EPDR1: variants seen among roughly 807,000 people sequenced by gnomAD.
EPDR1 encodes the protein mammalian ependymin-related protein 1.
A neutral mutation model predicts 23.7 loss-of-function variants in EPDR1; 27 were observed. The observed-to-expected ratio is 1.14, with a 90% confidence interval of 0.84 to 1.57. The LOEUF (loss-of-function observed/expected upper bound fraction) is 1.57, where lower values mean the gene tolerates loss of function less well. EPDR1 is among the 40% of genes most tolerant of loss of function. The probability of loss-of-function intolerance (pLI) is 0.00; values close to 1 mark genes in which losing one functional copy is unlikely to be tolerated. For synonymous variants in EPDR1, 137 were observed against 118.2 expected (o/e 1.16, Z -1.03); for missense variants, 349 against 290.4 (o/e 1.20, Z -1.47).
At position 37,946,087 on chromosome 7, in the gene EPDR1, T is replaced by C. The variant is rs748921108; in HGVS notation, c.270-2753T>C. ...TTTTTATGGCTGCATAGTATTCCAT[T>C]GTGTATATGTACCCCATTTTCTTTA... On this transcript the variant is annotated intron_variant, in intron 1 of 2. Coordinates refer to ENST00000199448, the MANE Select transcript of EPDR1 (RefSeq NM_017549.5). Among the ~76,000 whole-genome samples, 89 of 152,250 alleles carry C rather than the reference T, an allele frequency of 5.8e-4. 1 individual carries two copies. Among genetic ancestry groups the C allele is most frequent in the Non-Finnish European group, 1.6e-4 (11 of 68,040 alleles).
chr7:37,937,134 T>C (rs1786069343), intron 1 of EPDR1, among the ~76,000 whole-genome samples: 1 of 152,156 alleles, frequency 6.6e-6, no homozygotes, highest in South Asian at 2.1e-4. Flanking sequence ...GTGATAAGGG[T>C]GGCATCTCAA....
chr7:37,926,281 T>C (rs1335674242), intron 1 of EPDR1, among the ~76,000 whole-genome samples: 1 of 152,176 alleles, frequency 6.6e-6, no homozygotes, highest in Non-Finnish European at 1.5e-5. Context: ...TCGCCTGAAC[T>C]GTTTGATAGT....
chr7:37,938,982 ATT>A (rs35030069), intron 1 of EPDR1, among the ~76,000 whole-genome samples: 2 of 144,490 alleles, frequency 1.4e-5, no homozygotes, highest in African/African-American at 2.6e-5. Context: ...GGCATGACCA[ATT>A]TTTTTTTTTT....
intron 1 of EPDR1, among the ~76,000 whole-genome samples, chr7:37,928,108 G>C (rs1785854224): frequency 6.6e-6 from 1 of 152,198 alleles, no homozygotes; most frequent in Admixed American, 6.5e-5. Flanking sequence ...AAGCCCAGGA[G>C]AGTAAGGAGG....
intron 1 of EPDR1, among the ~76,000 whole-genome samples, chr7:37,939,503 A>G (rs1448603342): frequency 2.0e-5 from 3 of 152,100 alleles, no homozygotes; most frequent in African/African-American, 4.8e-5. Context: ...TCTTGCTTTA[A>G]TTTTAGCAGA....
At chr7:37,921,319 C>T in intron 1 of EPDR1, 111 bp downstream of exon 1, 1 of 1,437,446 alleles carries the variant, frequency 7.0e-7, no homozygotes, top group Non-Finnish European at 9.1e-7. Context: ...GCAGCTCCTC[C>T]CTTCTCCCAG....
rs114683899 is a variant in EPDR1 at position 37,951,395 on chromosome 7, T to A, written c.*999T>A. On this transcript the variant is annotated 3_prime_UTR_variant, in exon 3 of 3. Coordinates refer to ENST00000199448, the MANE Select transcript of EPDR1 (RefSeq NM_017549.5). ...CACAAGAGTTGCTCCCAAGCCTGGA[T>A]GAGTTGCACCTTGCATCTTGAGCAT... 6.6e-5 allele frequency: 10 copies of A among 152,376 alleles called. No homozygotes were observed. The highest frequency in any genetic ancestry group is 3.9e-4 in the East Asian group (2 of 5,192). 9.4% of individuals were successfully genotyped at this position (152,376 alleles called of 1,614,324 possible).
At chr7:37,921,807 C>T (rs1785711270) in intron 1 of EPDR1, among the ~76,000 whole-genome samples, 1 of 152,130 alleles carries the variant, frequency 6.6e-6, no homozygotes, top group Non-Finnish European at 1.5e-5. Context: ...ATTTTACATA[C>T]TATGATCAAA....
intron 1 of EPDR1, among the ~76,000 whole-genome samples, chr7:37,938,092 G>A (rs1251986464): frequency 6.8e-6 from 1 of 146,114 alleles, no homozygotes; most frequent in African/African-American, 2.6e-5. Context: ...CCGGGTTCAT[G>A]CCATTCTCTT....
chr7:37,946,978 A>G (rs1786289279), intron 1 of EPDR1, among the ~76,000 whole-genome samples: 1 of 152,226 alleles, frequency 6.6e-6, no homozygotes, highest in African/African-American at 2.4e-5. Context: ...AAATTAATGT[A>G]TTATTGAAGA....
At chr7:37,922,972 T>A (rs1475875887) in intron 1 of EPDR1, among the ~76,000 whole-genome samples, 2 of 152,152 alleles carry the variant, frequency 1.3e-5, no homozygotes, top group Admixed American at 1.3e-4. Context: ...AGACTGCTGG[T>A]CCAGGGGGAT....
intron 1 of EPDR1, among the ~76,000 whole-genome samples, chr7:37,938,911 A>T (rs1364645556): frequency 6.6e-6 from 1 of 151,738 alleles, no homozygotes; most frequent in Non-Finnish European, 1.5e-5. Flanking sequence ...GGTGCTGGCT[A>T]TTGTTTCTCC....
chr7:37,921,080 G>A lies in EPDR1; in HGVS notation c.141G>A (p.Gln47=), dbSNP rs1367026038. 1.3e-6 allele frequency: 2 copies of A among 1,577,676 alleles called. No homozygotes were observed. The highest frequency in any genetic ancestry group is 1.4e-5 in the African/African-American group (1 of 73,378). ...CGCGCCCGTGCCAGGCGCCGCAGCA[G>A]TGGGAGGGGCGCCAGGTTATGTACC... ...GAPRPCQAPQ[Q]WEGRQVMYQQ... The change falls in exon 1 of 3, where the codon CAG becomes CAA. Residue 47 remains glutamine (Q), a synonymous_variant. Coordinates refer to ENST00000199448, the MANE Select transcript of EPDR1 (RefSeq NM_017549.5).
chr7:37,921,039 G>A lies in EPDR1; in HGVS notation c.100G>A (p.Gly34Arg), dbSNP rs1024831290. ...GACCCTGTGCGGCCTGTGCAGCCTG[G>A]GGGCGGTGGGAGCCCCGCGCCCGTG... ...AWTLCGLCSL[G>R]AVGAPRPCQA... Residue 34 changes from glycine to arginine, a missense_variant, in exon 1 of 3, where the codon GGG becomes AGG. By Grantham distance (125) the Gly-to-Arg change is moderately radical. Transcript: ENST00000199448. The A allele has an allele frequency of 5.2e-6, 8 of 1,532,648 alleles. No individual in the cohort carries two copies. Among genetic ancestry groups the A allele is most frequent in the African/African-American group, 2.8e-5 (2 of 72,200 alleles). The allele number at this position is 1,532,648 out of a possible 1,614,324, so 94.9% of individuals were successfully genotyped here. A position where few individuals can be genotyped will look rare whatever the true frequency, so the allele number is the denominator to read the frequency against.
At chr7:37,940,998 C>G (rs190987772) in intron 1 of EPDR1, among the ~76,000 whole-genome samples, 8 of 151,934 alleles carry the variant, frequency 5.3e-5, no homozygotes, top group African/African-American at 1.9e-4. Flanking sequence ...CACCTTGTGT[C>G]GTAGAACATC....
intron 1 of EPDR1, among the ~76,000 whole-genome samples, chr7:37,931,870 T>G (rs1417815646): frequency 6.6e-6 from 1 of 152,036 alleles, no homozygotes; most frequent in Non-Finnish European, 1.5e-5. Context: ...GCCTAATTTA[T>G]TTATTTATTT....
chr7:37,945,553 A>G (rs905418961), intron 1 of EPDR1, among the ~76,000 whole-genome samples: 1 of 152,206 alleles, frequency 6.6e-6, no homozygotes, highest in Non-Finnish European at 1.5e-5. Flanking sequence ...CCATGAGATT[A>G]CAATGGAGCT....
intron 1 of EPDR1, among the ~76,000 whole-genome samples, chr7:37,945,282 C>T (rs6953908): frequency 1.3e-5 from 2 of 151,994 alleles, no homozygotes; most frequent in Non-Finnish European, 2.9e-5. Context: ...AAAATTAGCT[C>T]CATTTTTGAG....
Position 37,920,916 on chromosome 7 carries a change from TCGG to T in EPDR1, c.-23_-21del. 1 of 1,610,738 alleles carries T rather than the reference TCGG, an allele frequency of 6.2e-7. No individual in the cohort carries two copies. Among genetic ancestry groups the T allele is most frequent in the Non-Finnish European group, 8.5e-7 (1 of 1,179,112 alleles). On this transcript the variant is annotated 5_prime_UTR_variant, in exon 1 of 3. Coordinates refer to ENST00000199448, the MANE Select transcript of EPDR1 (RefSeq NM_017549.5). Reference sequence around the variant, plus strand: ...CGCCCCCTTGGGCTTGGGCTTGCCCTCGGGCCGGGGAAGGCTGACCGCGATGCC... The same window carrying T: ...CGCCCCCTTGGGCTTGGGCTTGCCCTGCCGGGGAAGGCTGACCGCGATGCC...
Sources: gnomAD v4.1 joint callset for allele counts (sites outside exome capture counted in the v4.1 genomes callset) on GRCh38, gnomAD v4.1.1 for gene constraint, MANE v1.5 for transcripts, NCBI Gene and HGNC (gene_info 2026-07-23, HGNC 2026-07-21) for gene names.